The following SORCS1 variants were observed in gnomAD, a reference collection of about 807,000 sequenced individuals.
SORCS1 encodes VPS10 domain-containing receptor SorCS1.
Under a neutral mutation model 146.1 loss-of-function variants are expected in SORCS1, and 60 were observed. The ratio of observed to expected loss-of-function variants is 0.41; its 90% confidence interval spans 0.33 to 0.51. The LOEUF is 0.51. Ranked by LOEUF, SORCS1 falls within the 20% of genes least tolerant of loss-of-function variation. The pLI is 0.21. For missense variants in SORCS1, 1,352 were observed against 1,487.6 expected (o/e 0.91, Z 1.50); for synonymous variants, 637 against 584.0 (o/e 1.09, Z -1.31).
intron 2 of SORCS1, among the ~76,000 whole-genome samples, chr10:106,949,006 C>T (rs929490810): frequency 1.3e-5 from 2 of 152,020 alleles, no homozygotes; most frequent in Admixed American, 6.6e-5. Context: ...GAACCACAAC[C>T]AGCTCCAAGT....
At chr10:106,867,195 G>T (rs368085853) in intron 2 of SORCS1, among the ~76,000 whole-genome samples, 1 of 152,144 alleles carries the variant, frequency 6.6e-6, no homozygotes, top group Non-Finnish European at 1.5e-5. Context: ...GAGAAAAAAG[G>T]TAGGTCACCT....
intron 2 of SORCS1, among the ~76,000 whole-genome samples, chr10:106,888,438 A>T (rs111237009): frequency 2.0e-4 from 30 of 152,066 alleles, no homozygotes; most frequent in African/African-American, 6.5e-4. Flanking sequence ...AAGCAAAAGA[A>T]CCAAGACGGC....
chr10:107,143,816 T>G (rs1287366937), intron 1 of SORCS1, among the ~76,000 whole-genome samples: 1 of 151,828 alleles, frequency 6.6e-6, no homozygotes, highest in African/African-American at 2.4e-5. Context: ...ATTTTCCTAT[T>G]TTTTTTGTAG....
chr10:106,982,243 C>T (rs1217095894), intron 1 of SORCS1, among the ~76,000 whole-genome samples: 1 of 152,092 alleles, frequency 6.6e-6, no homozygotes, highest in Non-Finnish European at 1.5e-5. Flanking sequence ...GACTTGATGC[C>T]TATGATTTTC....
chr10:106,656,636 G>A (rs751289924), intron 17 of SORCS1, among the ~76,000 whole-genome samples: 8 of 151,452 alleles, frequency 5.3e-5, no homozygotes, highest in Non-Finnish European at 7.4e-5. Flanking sequence ...TTTGTAATCT[G>A]TGACTTTTCT....
chr10:107,008,052 G>A (rs1188963409), intron 1 of SORCS1, among the ~76,000 whole-genome samples: 2 of 145,428 alleles, frequency 1.4e-5, no homozygotes, highest in Non-Finnish European at 3.0e-5. Context: ...TAGAAATGGA[G>A]TATTAGTTTA....
intron 5 of SORCS1, among the ~76,000 whole-genome samples, chr10:106,732,821 C>T (rs1393162152): frequency 2.6e-5 from 4 of 152,134 alleles, no homozygotes; most frequent in African/African-American, 9.6e-5. Flanking sequence ...GCCTTATCAA[C>T]AAACAAAAAA....
At chr10:106,673,572 C>T (rs567857389) in intron 14 of SORCS1, among the ~76,000 whole-genome samples, 1 of 152,272 alleles carries the variant, frequency 6.6e-6, no homozygotes, top group African/African-American at 2.4e-5. Flanking sequence ...CCCACTTGTA[C>T]ATATTGTGCC....
chr10:107,089,510 T>C (rs906344579), intron 1 of SORCS1, among the ~76,000 whole-genome samples: 2 of 152,208 alleles, frequency 1.3e-5, no homozygotes, highest in African/African-American at 4.8e-5. Flanking sequence ...TATCATCTAA[T>C]AGATACTATT....
chr10:106,790,920 G>A (rs1483628549), intron 3 of SORCS1, among the ~76,000 whole-genome samples: 1 of 152,154 alleles, frequency 6.6e-6, no homozygotes, highest in Middle Eastern at 3.2e-3. Flanking sequence ...TGCATTAACT[G>A]CAGATATTTT....
intron 21 of SORCS1, among the ~76,000 whole-genome samples, chr10:106,615,658 T>C (rs926512680): frequency 1.8e-4 from 28 of 152,166 alleles, no homozygotes; most frequent in African/African-American, 2.7e-4. Flanking sequence ...TTTCCGATTA[T>C]GTATATGAAT....
intron 1 of SORCS1, among the ~76,000 whole-genome samples, chr10:107,052,510 C>G (rs1349754402): frequency 6.6e-6 from 1 of 152,102 alleles, no homozygotes; most frequent in African/African-American, 2.4e-5. Flanking sequence ...CCTTAGTTCT[C>G]CACATCTTCA....
intron 1 of SORCS1, among the ~76,000 whole-genome samples, chr10:106,991,305 C>T (rs1328069791): frequency 6.6e-6 from 1 of 152,202 alleles, no homozygotes; most frequent in Non-Finnish European, 1.5e-5. Flanking sequence ...AGTAATTCTC[C>T]CCACAGTGAC....
intron 1 of SORCS1, among the ~76,000 whole-genome samples, chr10:107,022,470 C>G (rs1330778354): frequency 6.6e-6 from 1 of 152,014 alleles, no homozygotes; most frequent in Non-Finnish European, 1.5e-5. Context: ...CCCTTATGTG[C>G]TAGGTCCCAT....
At chr10:107,022,776 G>A (rs1204635018) in intron 1 of SORCS1, among the ~76,000 whole-genome samples, 1 of 152,182 alleles carries the variant, frequency 6.6e-6, no homozygotes, top group African/African-American at 2.4e-5. Flanking sequence ...CACAGCAGTG[G>A]TTCAGGGTTT....
At chr10:107,115,750 G>T (rs1283488932) in intron 1 of SORCS1, among the ~76,000 whole-genome samples, 1 of 151,936 alleles carries the variant, frequency 6.6e-6, no homozygotes, top group South Asian at 2.1e-4. Flanking sequence ...AAACAAATGG[G>T]AGTACATAAA....
At chr10:106,914,517 C>G (rs1589694013) in intron 2 of SORCS1, among the ~76,000 whole-genome samples, 2 of 152,126 alleles carry the variant, frequency 1.3e-5, no homozygotes, top group Admixed American at 6.6e-5. Flanking sequence ...AAATACTGGA[C>G]AGAACCAAGT....
At chr10:107,142,630 A>T (rs957914145) in intron 1 of SORCS1, among the ~76,000 whole-genome samples, 26 of 152,210 alleles carry the variant, frequency 1.7e-4, no homozygotes, top group Non-Finnish European at 3.8e-4. Context: ...GCTCAAATGC[A>T]TACTTTCTAT....
At chr10:106,911,147 A>G (rs1952131012) in intron 2 of SORCS1, among the ~76,000 whole-genome samples, 1 of 152,250 alleles carries the variant, frequency 6.6e-6, no homozygotes, top group South Asian at 2.1e-4. Context: ...TGTAAACTGT[A>G]AAGCATGGTG....
Sources: allele counts gnomAD v4.1 joint callset (sites outside exome capture counted in the v4.1 genomes callset), GRCh38; gene constraint gnomAD v4.1.1; transcripts MANE v1.5; gene names NCBI Gene and HGNC (gene_info 2026-07-23, HGNC 2026-07-21).